The following DLAT variants were observed in gnomAD, a reference collection of about 807,000 sequenced individuals.
DLAT encodes dihydrolipoyllysine-residue acetyltransferase component of pyruvate dehydrogenase complex, mitochondrial.
A neutral mutation model predicts 68.0 loss-of-function variants in DLAT; 43 were observed. That is an observed-to-expected ratio of 0.63 (90% CI 0.50 to 0.81). DLAT has a LOEUF of 0.81. Ranked by LOEUF, DLAT falls within the 40% of genes least tolerant of loss-of-function variation. The pLI, the probability that DLAT is intolerant of heterozygous loss-of-function variation, is 0.00. For synonymous variants in DLAT, 265 were observed against 288.6 expected (o/e 0.92, Z 0.83); for missense variants, 745 against 815.4 (o/e 0.91, Z 1.05).
chr11:112,060,559 A>G (rs931409724), intron 12 of DLAT, among the ~76,000 whole-genome samples: 11 of 151,948 alleles, frequency 7.2e-5, no homozygotes, highest in Admixed American at 1.3e-4. Flanking sequence ...GGTTCAAGCA[A>G]TTCTCCTACC....
rs1197649102 is a variant in DLAT at position 112,045,913 on chromosome 11, C to T, written c.1341C>T (p.Tyr447=). 1 of 1,612,182 alleles carries T rather than the reference C, an allele frequency of 6.2e-7. No homozygotes were observed. Among genetic ancestry groups the T allele is most frequent in the Admixed American group, 1.7e-5 (1 of 59,980 alleles). Residue 447 remains tyrosine, a synonymous_variant, in exon 10 of 14, where the codon TAC becomes TAT. Coordinates refer to ENST00000280346, the MANE Select transcript of DLAT (RefSeq NM_001931.5). ...MQSKQTIPHY[Y]LSIDVNMGEV... ...CAAAGCAAACCATACCTCATTATTA[C>T]CTTTCTATCGATGTAAATATGGGAG...
intron 6 of DLAT, among the ~76,000 whole-genome samples, chr11:112,038,598 AC>A (rs1395475223): frequency 1.3e-5 from 2 of 151,302 alleles, no homozygotes; most frequent in African/African-American, 4.9e-5. Flanking sequence ...TAATCCCAGC[AC>A]TTTGGGAGGC....
intron 13 of DLAT, 118 bp from the exon 14 acceptor site, chr11:112,062,288 G>GTAGA: frequency 1.9e-6 from 2 of 1,068,286 alleles, no homozygotes; most frequent in South Asian, 2.8e-5. Flanking sequence ...GACTGGAAGA[G>GTAGA]TAGATAGGAA....
intron 6 of DLAT, among the ~76,000 whole-genome samples, chr11:112,038,102 G>A (rs1592680413): frequency 1.3e-5 from 2 of 152,178 alleles, no homozygotes; most frequent in South Asian, 4.1e-4. Flanking sequence ...CTAGAATCAT[G>A]TGAGTTTAAA....
In DLAT at chr11:112,037,472, T is replaced by C. The variant is rs587681138; in HGVS notation, c.975+12T>C. The C allele has an allele frequency of 3.1e-6, 5 of 1,613,740 alleles. No homozygotes were observed. In the East Asian group the frequency reaches 1.1e-4, roughly 36 times the overall value. On this transcript the variant is annotated intron_variant, in intron 6 of 13. Coordinates refer to ENST00000280346, the MANE Select transcript of DLAT (RefSeq NM_001931.5). Reference sequence around the variant, plus strand: ...CTACCCCACCCCCGGTAGGTATGCTTCTAGAATTCAGGAAACACTTACCTT... The same window carrying C: ...CTACCCCACCCCCGGTAGGTATGCTCCTAGAATTCAGGAAACACTTACCTT...
chr11:112,053,172 A>T (rs995972084), intron 11 of DLAT, among the ~76,000 whole-genome samples: 3 of 152,044 alleles, frequency 2.0e-5, no homozygotes, highest in Non-Finnish European at 2.9e-5. Context: ...AAATACAAAA[A>T]TTAGCTGAGC....
At position 112,025,483 on chromosome 11, in the gene DLAT, T is replaced by C. The variant is rs782019892; in HGVS notation, c.11T>C (p.Val4Ala). 1 of 1,613,102 alleles carries C rather than the reference T, an allele frequency of 6.2e-7. No individual in the cohort carries two copies. Among genetic ancestry groups the C allele is most frequent in the Non-Finnish European group, 8.5e-7 (1 of 1,179,862 alleles). The change falls in exon 1 of 14, where the codon GTC becomes GCC. Residue 4 changes from valine (V) to alanine (A), a missense_variant. Coordinates refer to ENST00000280346, the MANE Select transcript of DLAT (RefSeq NM_001931.5). MWRVCARRAQNVAP... is the reference protein window; with the variant it reads MWRACARRAQNVAP... ...GGGGTTGGTGGCACTATGTGGCGCGTCTGTGCGCGACGGGCTCAGAATGTA... is the reference window on the plus strand; with the variant it reads ...GGGGTTGGTGGCACTATGTGGCGCGCCTGTGCGCGACGGGCTCAGAATGTA...
At chr11:112,062,103 G>T (rs1864668785) in intron 13 of DLAT, among the ~76,000 whole-genome samples, 1 of 152,098 alleles carries the variant, frequency 6.6e-6, no homozygotes, top group Non-Finnish European at 1.5e-5. Context: ...TATGGCTGCT[G>T]TTGCAAATAA....
At chr11:112,035,836 G>C (rs587732487) in intron 5 of DLAT, among the ~76,000 whole-genome samples, 1 of 148,230 alleles carries the variant, frequency 6.7e-6, no homozygotes. Context: ...TGTCGCCCAG[G>C]CTGGAGTGCA....
At chr11:112,036,155 G>A (rs1483198646) in intron 5 of DLAT, among the ~76,000 whole-genome samples, 6 of 129,126 alleles carry the variant, frequency 4.6e-5, no homozygotes, top group South Asian at 2.4e-4. Flanking sequence ...ATATATATAT[G>A]TGTGTGTATA....
At chr11:112,027,372 T>C (rs1862113065) in intron 2 of DLAT, among the ~76,000 whole-genome samples, 1 of 143,612 alleles carries the variant, frequency 7.0e-6, no homozygotes, top group South Asian at 2.2e-4. Context: ...CCTCACTTCC[T>C]AGATGGGATG....
At position 112,037,257 on chromosome 11, in the gene DLAT, T is replaced by A; in HGVS notation, c.788-16T>A. 1.2e-6 allele frequency: 2 copies of A among 1,612,542 alleles called. No homozygotes were observed. Among genetic ancestry groups the A allele is most frequent in the Non-Finnish European group, 1.7e-6 (2 of 1,178,578 alleles). ...GAATCTCTTAAGTCCCATAATGTTT[T>A]TTCTTTCTATTTAAGGTTTTGAAGT... On this transcript the variant is annotated splice_polypyrimidine_tract_variant and intron_variant, in intron 5 of 13. Transcript: ENST00000280346.
intron 2 of DLAT, among the ~76,000 whole-genome samples, chr11:112,027,069 G>C (rs1366882799): frequency 6.6e-6 from 1 of 151,566 alleles, no homozygotes; most frequent in African/African-American, 2.4e-5. Context: ...CGGACGGGGT[G>C]GCTGCCGGGC....
chr11:112,039,349 G>A lies in DLAT; in HGVS notation c.1081G>A (p.Ala361Thr), dbSNP rs1555180820. The change falls in exon 7 of 14, where the codon GCA (alanine) becomes ACA (threonine). Residue 361 changes from alanine (A) to threonine (T), a missense_variant. Transcript: ENST00000280346. ...PKGRVFVSPL[A>T]KKLAVEKGID... is the part of the protein sequence containing the mutation. ...GGGAAGGGTGTTTGTTAGCCCTCTT[G>A]CAAAGAAGTTGGCAGTAGAGAAAGG... 13 of 1,614,040 alleles carry A rather than the reference G, an allele frequency of 8.1e-6. No individual in the cohort carries two copies. In the South Asian group the frequency reaches 1.3e-4, roughly 16 times the overall value.
intron 11 of DLAT, among the ~76,000 whole-genome samples, chr11:112,058,817 C>A (rs1309067459): frequency 6.6e-6 from 1 of 151,928 alleles, no homozygotes; most frequent in Admixed American, 6.6e-5. Flanking sequence ...AAAATGATAG[C>A]CATTATTAGA....
In DLAT at chr11:112,025,534, G is replaced by A; in HGVS notation, c.62G>A (p.Arg21Gln). The A allele has an allele frequency of 1.9e-6, 3 of 1,613,984 alleles. No homozygotes were observed. Among genetic ancestry groups the A allele is most frequent in the Non-Finnish European group, 2.5e-6 (3 of 1,179,986 alleles). Reference sequence around the variant, plus strand: ...GCCCCATGGGCGGGACTCGAGGCTCGGTGGACGGCCTTGCAGGAGGTACCC... The same window carrying A: ...GCCCCATGGGCGGGACTCGAGGCTCAGTGGACGGCCTTGCAGGAGGTACCC... ...NVAPWAGLEARWTALQEVPGT... is the reference protein window; with the variant it reads ...NVAPWAGLEAQWTALQEVPGT... The change falls in exon 1 of 14, where the codon CGG becomes CAG. Residue 21 changes from arginine (R) to glutamine (Q), a missense_variant. Transcript: ENST00000280346.
intron 7 of DLAT, among the ~76,000 whole-genome samples, chr11:112,041,296 T>C (rs587645852): frequency 6.6e-6 from 1 of 152,318 alleles, no homozygotes; most frequent in South Asian, 2.1e-4. Context: ...GCTATAATGA[T>C]AATAATATTT....
chr11:112,045,221 CA>C lies in DLAT; in HGVS notation c.1282del (p.Ile428PhefsTer9). The C allele has an allele frequency of 6.2e-7, 1 of 1,613,714 alleles. No homozygotes were observed. Among genetic ancestry groups the C allele is most frequent in the Non-Finnish European group, 8.5e-7 (1 of 1,179,686 alleles). ...GVFTDIPISN[I>X]RRVIAQRLMQ... is the part of the protein sequence containing the mutation. ...TCTTCACAGATATCCCAATCAGCAA[CA>C]TTCGTCGGGTAAGAGAATTACCATC... On this transcript the variant is annotated frameshift_variant, in exon 9 of 14. Transcript: ENST00000280346. LOFTEE classifies it high-confidence loss of function.
At chr11:112,039,549 C>A in intron 7 of DLAT, 152 bp downstream of exon 7, 3 of 835,104 alleles carry the variant, frequency 3.6e-6, no homozygotes, top group Non-Finnish European at 5.7e-6. Flanking sequence ...AGAAATAGTT[C>A]TTTTGTTGCC....
Sources: gnomAD v4.1 joint callset for allele counts (sites outside exome capture counted in the v4.1 genomes callset) on GRCh38, gnomAD v4.1.1 for gene constraint, MANE v1.5 for transcripts, NCBI Gene and HGNC (gene_info 2026-07-23, HGNC 2026-07-21) for gene names.